Variants in RBFOX1 observed in about 807,000 individuals in gnomAD.
RBFOX1 encodes the protein RNA binding protein fox-1 homolog 1.
A neutral mutation model predicts 57.7 loss-of-function variants in RBFOX1; 8 were observed. That is an observed-to-expected ratio of 0.14 (90% CI 0.08 to 0.25). The LOEUF (loss-of-function observed/expected upper bound fraction) is 0.25, where lower values mean the gene tolerates loss of function less well. Among genes scored for constraint, RBFOX1 ranks in the 10% least tolerant of loss-of-function variants. RBFOX1 has a pLI of 1.00. For missense variants in RBFOX1, 611 were observed against 548.5 expected (o/e 1.11, Z -1.14); for synonymous variants, 326 against 222.4 (o/e 1.47, Z -4.15).
rs2098516044 is a variant in RBFOX1 at position 6,644,297 on chromosome 16, C to A, written c.-63-10306C>A. On this transcript the variant is annotated intron_variant, in intron 2 of 15. Transcript: ENST00000550418. The stretch of plus-strand genomic sequence containing the variant: ...AGCTTGCCTTTGCAAAGGAGACCAT[C>A]TGTAATGTTGAGTCAAGATTTAAAA... Among the ~76,000 whole-genome samples, 7 of 152,186 alleles carry A rather than the reference C, an allele frequency of 4.6e-5. 1 individual carries two copies. In the South Asian group the frequency reaches 1.5e-3, roughly 32 times the overall value.
At chr16:5,389,059 C>T (rs1253905690) in intron 1 of RBFOX1, among the ~76,000 whole-genome samples, 4 of 151,420 alleles carry the variant, frequency 2.6e-5, no homozygotes, top group South Asian at 2.1e-4. Context: ...GGCGTGGTGG[C>T]AGGCCCCTGT....
At chr16:5,838,056 G>T (rs2056515797) in intron 3 of RBFOX1, 1 of 152,586 alleles carries the variant, frequency 6.6e-6, no homozygotes, top group East Asian at 1.9e-4. Flanking sequence ...TGGCGGGGGG[G>T]CTTGAAAACA....
At chr16:6,246,856 G>A (rs1354614996) in intron 1 of RBFOX1, among the ~76,000 whole-genome samples, 1 of 152,136 alleles carries the variant, frequency 6.6e-6, no homozygotes, top group African/African-American at 2.4e-5. Flanking sequence ...ATCACCTGAG[G>A]TCAGGAGTTT....
At chr16:7,092,927 C>T (rs1240946116) in intron 4 of RBFOX1, among the ~76,000 whole-genome samples, 2 of 151,994 alleles carry the variant, frequency 1.3e-5, no homozygotes, top group African/African-American at 4.8e-5. Flanking sequence ...TGTTTTTTTC[C>T]AAGTTAGTTG....
At chr16:5,405,519 A>G (rs1341721000) in intron 1 of RBFOX1, among the ~76,000 whole-genome samples, 1 of 152,252 alleles carries the variant, frequency 6.6e-6, no homozygotes, top group East Asian at 1.9e-4. Flanking sequence ...TTTCTTTATA[A>G]ATTACCCAGT....
rs530163838 is a variant in RBFOX1, at chr16:6,361,318, TG to T, written c.-64+44262del. 9.3e-4 allele frequency among the ~76,000 whole-genome samples: 142 copies of T among 152,084 alleles called. 1 individual carries two copies. Among genetic ancestry groups the T allele is most frequent in the African/African-American group, 2.8e-3 (117 of 41,478 alleles). ...GAACTTTAGACACCAGGAACAAGAT[TG>T]AGAAGGTGCTGAGAAAAGATCATGG... is the stretch of plus-strand genomic sequence containing the variant. On this transcript the variant is annotated intron_variant, in intron 2 of 15. Transcript: ENST00000550418.
chr16:7,509,189 A>T (rs192239672), intron 4 of RBFOX1, among the ~76,000 whole-genome samples: 3 of 152,128 alleles, frequency 2.0e-5, no homozygotes, highest in African/African-American at 7.2e-5. Flanking sequence ...AGAAAGCAAG[A>T]CCCCTGTACT....
intron 2 of RBFOX1, among the ~76,000 whole-genome samples, chr16:6,381,198 T>C (rs1380437294): frequency 6.6e-6 from 1 of 152,126 alleles, no homozygotes; most frequent in African/African-American, 2.4e-5. Context: ...TTTTATAGAT[T>C]TAAGATGTGT....
At chr16:7,592,392 T>G (rs2094488650) in intron 7 of RBFOX1, among the ~76,000 whole-genome samples, 2 of 152,154 alleles carry the variant, frequency 1.3e-5, no homozygotes, top group East Asian at 3.9e-4. Flanking sequence ...GGGCAGTAGG[T>G]TTGCCTTGGG....
At chr16:7,456,060 G>C (rs970734477) in intron 4 of RBFOX1, among the ~76,000 whole-genome samples, 1 of 152,096 alleles carries the variant, frequency 6.6e-6, no homozygotes, top group African/African-American at 2.4e-5. Flanking sequence ...CCCCGCATGT[G>C]GTCTTATGCT....
At chr16:6,213,243 G>T (rs181009187) in intron 1 of RBFOX1, among the ~76,000 whole-genome samples, 1 of 151,910 alleles carries the variant, frequency 6.6e-6, no homozygotes, top group Admixed American at 6.6e-5. Context: ...GCTCTTTCTT[G>T]AACGCTTAAT....
intron 2 of RBFOX1, among the ~76,000 whole-genome samples, chr16:6,615,529 C>G (rs184245026): frequency 1.1e-4 from 17 of 151,604 alleles, no homozygotes; most frequent in African/African-American, 3.4e-4. Flanking sequence ...AAGATCGCAC[C>G]ACATCTCTCC....
intron 2 of RBFOX1, among the ~76,000 whole-genome samples, chr16:6,396,974 C>A (rs1304090034): frequency 2.6e-5 from 4 of 151,924 alleles, no homozygotes; most frequent in African/African-American, 9.7e-5. Context: ...CACAACAGAT[C>A]AGTGAATTTA....
chr16:7,098,233 G>A (rs1044231768), intron 4 of RBFOX1, among the ~76,000 whole-genome samples: 3 of 152,152 alleles, frequency 2.0e-5, no homozygotes, highest in East Asian at 1.9e-4. Flanking sequence ...GCAGTGGCAC[G>A]ATCTTGGCCC....
intron 4 of RBFOX1, among the ~76,000 whole-genome samples, chr16:7,160,010 G>C (rs978944390): frequency 6.6e-6 from 1 of 152,030 alleles, no homozygotes; most frequent in African/African-American, 2.4e-5. Context: ...GTGTTTTCTT[G>C]ACATATCTAA....
intron 3 of RBFOX1, among the ~76,000 whole-genome samples, chr16:5,697,531 T>TC (rs2050882845): frequency 2.5e-5 from 2 of 79,492 alleles, no homozygotes; most frequent in African/African-American, 6.1e-5. Context: ...TTTTCTTTTC[T>TC]ATTCTTTTTT....
chr16:7,321,935 C>G (rs776518898), intron 4 of RBFOX1, among the ~76,000 whole-genome samples: 7 of 152,190 alleles, frequency 4.6e-5, no homozygotes, highest in African/African-American at 1.7e-4. Context: ...CTAATCCTCT[C>G]CAATGAGAGG....
intron 3 of RBFOX1, among the ~76,000 whole-genome samples, chr16:6,828,778 C>T (rs1449526688): frequency 6.6e-6 from 1 of 152,014 alleles, no homozygotes; most frequent in Non-Finnish European, 1.5e-5. Context: ...ACCATGAATT[C>T]CGAGAATACC....
intron 4 of RBFOX1, among the ~76,000 whole-genome samples, chr16:7,288,079 G>C (rs2095685907): frequency 6.6e-6 from 1 of 152,088 alleles, no homozygotes; most frequent in Non-Finnish European, 1.5e-5. Context: ...TTTAGATGCT[G>C]GATCAAGGTC....
Sources: allele counts gnomAD v4.1 joint callset (sites outside exome capture counted in the v4.1 genomes callset), GRCh38; gene constraint gnomAD v4.1.1; transcripts MANE v1.5; gene names NCBI Gene and HGNC (gene_info 2026-07-23, HGNC 2026-07-21).